Variants in NPSR1 observed in about 807,000 individuals in gnomAD.
The protein encoded by NPSR1 is neuropeptide S receptor.
In NPSR1, 48 loss-of-function variants were observed where a neutral mutation model predicts 46.9. That is an observed-to-expected ratio of 1.02 (90% CI 0.81 to 1.30). The LOEUF (loss-of-function observed/expected upper bound fraction) is 1.30. Ranked by LOEUF, NPSR1 falls within the 50% of genes most tolerant of loss-of-function variation. The probability of loss-of-function intolerance (pLI) is 0.00; values close to 1 mark genes in which losing one functional copy is unlikely to be tolerated. For synonymous variants in NPSR1, 176 were observed against 168.1 expected (o/e 1.05, Z -0.36); for missense variants, 450 against 449.5 (o/e 1.00, Z -0.01).
intron 2 of NPSR1, among the ~76,000 whole-genome samples, chr7:34,768,892 G>A (rs1786549500): frequency 6.6e-6 from 1 of 152,138 alleles, no homozygotes; most frequent in African/African-American, 2.4e-5. Context: ...TGAATGTGAG[G>A]TAGAGGGAAG....
chr7:34,667,075 A>G (rs1321202546), intron 1 of NPSR1, among the ~76,000 whole-genome samples: 1 of 152,210 alleles, frequency 6.6e-6, no homozygotes, highest in African/African-American at 2.4e-5. Flanking sequence ...TTTTTTCATG[A>G]TGGCTCAATA....
At chr7:34,877,436 C>T (rs1413554235) in intron 8 of NPSR1, among the ~76,000 whole-genome samples, 2 of 152,174 alleles carry the variant, frequency 1.3e-5, no homozygotes, top group East Asian at 3.9e-4. Flanking sequence ...GGCAGCCAGG[C>T]CCCAGATGTT....
At chr7:34,688,554 C>T (rs1241473734) in intron 2 of NPSR1, among the ~76,000 whole-genome samples, 1 of 152,138 alleles carries the variant, frequency 6.6e-6, no homozygotes, top group Non-Finnish European at 1.5e-5. Context: ...AGTGGCAGTT[C>T]CTCCACTCCA....
At chr7:34,694,792 C>A (rs901034092) in intron 2 of NPSR1, among the ~76,000 whole-genome samples, 2 of 152,214 alleles carry the variant, frequency 1.3e-5, no homozygotes, top group Non-Finnish European at 2.9e-5. Flanking sequence ...TCACTGCAAC[C>A]TACACCTCCT....
chr7:34,783,623 T>C (rs1393743934), intron 3 of NPSR1, among the ~76,000 whole-genome samples: 3 of 151,864 alleles, frequency 2.0e-5, no homozygotes, highest in Non-Finnish European at 4.4e-5. Flanking sequence ...AGTTTGCAAA[T>C]CTGGGGAAAG....
chr7:34,779,327 GCTGTTT>G (rs985042227), intron 3 of NPSR1, among the ~76,000 whole-genome samples: 1 of 151,940 alleles, frequency 6.6e-6, no homozygotes, highest in Admixed American at 6.6e-5. Flanking sequence ...GGTTTGATGT[GCTGTTT>G]CTGAGTTCTT....
At chr7:34,774,676 A>ACTGTATCTTTCCCCACT (rs1786864115) in intron 2 of NPSR1, among the ~76,000 whole-genome samples, 2 of 152,120 alleles carry the variant, frequency 1.3e-5, no homozygotes, top group Non-Finnish European at 2.9e-5. Context: ...CATCAACTCC[A>ACTGTATCTTTCCCCACT]AACTGTATCT....
At chr7:34,663,067 C>CTCTCTCTCTCTGTGTGTGTG (rs35826710) in intron 1 of NPSR1, among the ~76,000 whole-genome samples, 11 of 99,382 alleles carry the variant, frequency 1.1e-4, no homozygotes, top group African/African-American at 2.8e-4. Flanking sequence ...CTCTCTCTCT[C>CTCTCTCTCTCTGTGTGTGTG]TGTGTGTGTG....
At chr7:34,701,959 T>G (rs1793851508) in intron 2 of NPSR1, among the ~76,000 whole-genome samples, 1 of 152,220 alleles carries the variant, frequency 6.6e-6, no homozygotes, top group South Asian at 2.1e-4. Context: ...TCAGCGCACA[T>G]AACATAAAAT....
chr7:34,666,541 G>A (rs1791760473), intron 1 of NPSR1, among the ~76,000 whole-genome samples: 1 of 152,036 alleles, frequency 6.6e-6, no homozygotes, highest in African/African-American at 2.4e-5. Flanking sequence ...CAGCCATTTT[G>A]TGACCACAGG....
intron 2 of NPSR1, among the ~76,000 whole-genome samples, chr7:34,767,786 A>G (rs540109052): frequency 5.9e-5 from 9 of 152,176 alleles, no homozygotes; most frequent in Non-Finnish European, 1.2e-4. Flanking sequence ...AAGCAGAATA[A>G]ATTTTAAAAA....
chr7:34,688,442 G>A (rs113732912), intron 2 of NPSR1, among the ~76,000 whole-genome samples: 2,160 of 152,294 alleles, frequency 0.014, 45 homozygotes, highest in African/African-American at 0.05. Flanking sequence ...AAATAAGATT[G>A]AAGGTTGAAT....
chr7:34,805,783 T>G (rs577978706), intron 3 of NPSR1, among the ~76,000 whole-genome samples: 2 of 152,074 alleles, frequency 1.3e-5, no homozygotes, highest in East Asian at 1.9e-4. Context: ...CTGCAGAATA[T>G]ATATTTCATA....
At chr7:34,812,972 A>C (rs1182706860) in intron 4 of NPSR1, among the ~76,000 whole-genome samples, 1 of 152,238 alleles carries the variant, frequency 6.6e-6, no homozygotes, top group African/African-American at 2.4e-5. Flanking sequence ...AAGGATCTAC[A>C]AGAAGTGGAG....
chr7:34,777,067 T>G (rs1448810692), intron 2 of NPSR1, among the ~76,000 whole-genome samples: 1 of 152,150 alleles, frequency 6.6e-6, no homozygotes, highest in Non-Finnish European at 1.5e-5. Flanking sequence ...CAGAACTCCC[T>G]TAGCCACCCA....
chr7:34,712,657 T>G (rs1325124684), intron 2 of NPSR1, among the ~76,000 whole-genome samples: 4 of 152,208 alleles, frequency 2.6e-5, no homozygotes, highest in Non-Finnish European at 5.9e-5. Context: ...GGATCATCCC[T>G]GAAATCCCTG....
intron 2 of NPSR1, among the ~76,000 whole-genome samples, chr7:34,755,671 AC>A (rs1412869444): frequency 1.3e-5 from 2 of 152,080 alleles, no homozygotes; most frequent in Non-Finnish European, 1.5e-5. Context: ...TATTTGTGCT[AC>A]CTGAATTTTG....
intron 2 of NPSR1, among the ~76,000 whole-genome samples, chr7:34,723,082 T>C (rs1309213755): frequency 2.0e-5 from 3 of 152,086 alleles, no homozygotes; most frequent in East Asian, 3.9e-4. Context: ...GTGAACAAAT[T>C]AAGCCAGAGC....
At chr7:34,806,198 G>A (rs1788692424) in intron 3 of NPSR1, among the ~76,000 whole-genome samples, 1 of 152,044 alleles carries the variant, frequency 6.6e-6, no homozygotes. Flanking sequence ...CAGTTGAGTT[G>A]ACAACTTATA....
Sources: allele counts gnomAD v4.1 joint callset (sites outside exome capture counted in the v4.1 genomes callset), GRCh38; gene constraint gnomAD v4.1.1; transcripts MANE v1.5; gene names NCBI Gene and HGNC (gene_info 2026-07-23, HGNC 2026-07-21).